NCLN: variants seen among roughly 807,000 people sequenced by gnomAD.
NCLN encodes the protein BOS complex subunit NCLN.
In NCLN, 34 loss-of-function variants were observed where a neutral mutation model predicts 69.5. The ratio of observed to expected loss-of-function variants is 0.49; its 90% confidence interval spans 0.37 to 0.65. The LOEUF (loss-of-function observed/expected upper bound fraction) is 0.65, where lower values mean the gene tolerates loss of function less well. NCLN is among the 30% of genes least tolerant of loss of function. The probability of loss-of-function intolerance (pLI) is 0.00; values close to 1 mark genes in which losing one functional copy is unlikely to be tolerated. For missense variants in NCLN, 710 were observed against 804.8 expected, an observed-to-expected ratio of 0.88 and a Z score of 1.42; for synonymous variants, 393 against 358.3, an observed-to-expected ratio of 1.10 and a Z score of -1.09.
chr19:3,192,481 G>T lies in NCLN; in HGVS notation c.196G>T (p.Ala66Ser). Residue 66 changes from alanine to serine, a missense_variant, in exon 2 of 15, where the codon GCA becomes TCA. Physicochemically the swap from Ala to Ser is moderately conservative, Grantham distance 99. Coordinates refer to ENST00000246117, the MANE Select transcript of NCLN (RefSeq NM_020170.4). ...LQGQPYGTRN[A>S]VLNTEARTMA... is the part of the protein sequence containing the mutation. ...CCCTGTGCCCACAGGCACACGGAAT[G>T]CAGTGCTGAACACGGAGGCGCGCAC... is the stretch of plus-strand genomic sequence containing the variant. 1 of 1,600,690 alleles carries T rather than the reference G, an allele frequency of 6.2e-7. No individual in the cohort carries two copies. The highest frequency in any genetic ancestry group is 8.5e-7 in the Non-Finnish European group (1 of 1,176,018).
intron 4 of NCLN, among the ~76,000 whole-genome samples, chr19:3,197,673 T>C (rs1042313495): frequency 6.7e-6 from 1 of 149,262 alleles, no homozygotes; most frequent in Non-Finnish European, 1.5e-5. Flanking sequence ...TAGGCTGGAG[T>C]GCAATGGTGC....
chr19:3,191,070 T>C (rs545850), intron 1 of NCLN, among the ~76,000 whole-genome samples: 41,001 of 119,416 alleles, frequency 0.34, 6,894 homozygotes, highest in East Asian at 0.47. Context: ...CGTCGCGGTG[T>C]GTGGCGGGCA....
chr19:3,198,744 G>C, intron 4 of NCLN, 73 bp from the exon 5 acceptor site: 1 of 1,272,448 alleles, frequency 7.9e-7, no homozygotes, highest in Non-Finnish European at 1.1e-6. Flanking sequence ...CAGAGGGGAG[G>C]GGTCTCCAAG....
intron 1 of NCLN, among the ~76,000 whole-genome samples, chr19:3,190,017 G>T (rs1035753529): frequency 2.0e-5 from 3 of 152,190 alleles, no homozygotes; most frequent in African/African-American, 7.2e-5. Context: ...TCCCTATCCC[G>T]CCTGCGGGAG....
rs901638250 is a variant in NCLN, at chr19:3,186,090, C to T, written c.60C>T (p.Leu20=). The change falls in exon 1 of 15, where the codon CTC becomes CTT. Residue 20 remains leucine, a synonymous_variant. Transcript: ENST00000246117. The part of the protein sequence containing the change: ...ENMLKASCLP[L]GFIVFLPAVL... ...TGCTGAAGGCGTCTTGTCTGCCGCT[C>T]GGCTTCATCGTCTTCCTGCCCGCTG... 16 of 1,599,594 alleles carry T rather than the reference C, an allele frequency of 1.0e-5. No homozygotes were observed. The highest frequency in any genetic ancestry group is 8.5e-5 in the Admixed American group (5 of 58,990).
chr19:3,201,412 G>T, intron 5 of NCLN, 111 bp from the exon 6 acceptor site: 1 of 736,418 alleles, frequency 1.4e-6, no homozygotes, highest in Admixed American at 2.3e-5. Context: ...ATGGGGCTAC[G>T]GGAGTAGGGT....
At position 3,190,280 on chromosome 19, in the gene NCLN, G is replaced by C. The variant is rs185097838; in HGVS notation, c.185-2190G>C. Among the ~76,000 whole-genome samples, 220 of 152,322 alleles carry C rather than the reference G, an allele frequency of 1.4e-3. 7 individuals carry two copies. The East Asian group carries it at 0.037, about 26-fold the overall frequency. ...GATGTCAGGCTCTGAGAGGGGAGCA[G>C]GGGTGAGGCTGCTGGGCCTGGGGTG... On this transcript the variant is annotated intron_variant, in intron 1 of 14. Coordinates refer to ENST00000246117, the MANE Select transcript of NCLN (RefSeq NM_020170.4).
At chr19:3,198,008 G>A (rs748805766) in intron 4 of NCLN, among the ~76,000 whole-genome samples, 1 of 152,212 alleles carries the variant, frequency 6.6e-6, no homozygotes, top group Non-Finnish European at 1.5e-5. Flanking sequence ...GACACCATCT[G>A]GTCCCCAAGG....
At chr19:3,193,463 C>CGTGGGT (rs1915883736) in intron 3 of NCLN, 35 bp downstream of exon 3, 7 of 1,561,126 alleles carry the variant, frequency 4.5e-6, no homozygotes, top group Non-Finnish European at 5.2e-6. Context: ...GGCCCGTGGG[C>CGTGGGT]GTGGGTGTGG....
At chr19:3,197,288 G>A (rs1915989540) in intron 4 of NCLN, among the ~76,000 whole-genome samples, 1 of 152,226 alleles carries the variant, frequency 6.6e-6, no homozygotes, top group African/African-American at 2.4e-5. Context: ...TGTGAGCAGA[G>A]CCCTCTTGGC....
intron 7 of NCLN, 65 bp downstream of exon 7, chr19:3,203,909 C>A: frequency 1.3e-6 from 2 of 1,580,008 alleles, no homozygotes; most frequent in Non-Finnish European, 1.7e-6. Context: ...CACGGAGGCC[C>A]AGGGGTTGCC....
chr19:3,198,914 C>G lies in NCLN; in HGVS notation c.696+17C>G, dbSNP rs781098068. The G allele has an allele frequency of 1.4e-6, 2 of 1,433,012 alleles. No homozygotes were observed. Among genetic ancestry groups the G allele is most frequent in the Admixed American group, 2.5e-5 (1 of 40,006 alleles). The allele number at this position is 1,433,012 out of a possible 1,614,324, so 88.8% of individuals were successfully genotyped here. A position where few individuals can be genotyped will look rare whatever the true frequency, so the allele number is the denominator to read the frequency against. The stretch of plus-strand genomic sequence containing the variant: ...GTGGCCCCCGTACGTATGTGTGTCC[C>G]CATTCCCCCCACCCCACAGGGCTTG... On this transcript the variant is annotated intron_variant, in intron 5 of 14. Transcript: ENST00000246117.
At position 3,201,697 on chromosome 19, in the gene NCLN, A is replaced by ACCAGGCG. The variant is rs1916131539; in HGVS notation, c.800+73_800+74insAGGCGCC. 2.4e-6 allele frequency: 3 copies of ACCAGGCG among 1,235,124 alleles called. No homozygotes were observed. The African/African-American group carries it at 4.5e-5, about 19-fold the overall frequency. The allele number at this position is 1,235,124 out of a possible 1,614,324, so 76.5% of individuals were successfully genotyped here. On this transcript the variant is annotated intron_variant, in intron 6 of 14. Transcript: ENST00000246117. ...TGCCGGACAGCGCTGCCCACCAGGC[A>ACCAGGCG]CCTCTGCAGATGTTTCTCTGGAGCC... is the stretch of plus-strand genomic sequence containing the variant.
chr19:3,197,563 TC>T (rs1915998511), intron 4 of NCLN, among the ~76,000 whole-genome samples: 1 of 151,670 alleles, frequency 6.6e-6, no homozygotes, highest in African/African-American at 2.4e-5. Flanking sequence ...TGCCTCGGCC[TC>T]CCGAGTAGCT....
intron 1 of NCLN, among the ~76,000 whole-genome samples, chr19:3,188,868 G>T (rs1183127940): frequency 1.3e-5 from 2 of 152,228 alleles, no homozygotes; most frequent in African/African-American, 2.4e-5. Flanking sequence ...ACACCCCTCT[G>T]TGTCACTCTG....
intron 4 of NCLN, 34 bp from the exon 5 acceptor site, chr19:3,198,783 A>G: frequency 6.4e-7 from 1 of 1,553,224 alleles, no homozygotes; most frequent in East Asian, 2.5e-5. Context: ...TGCCCCAGGA[A>G]CAGCCAGGCC....
At position 3,186,569 on chromosome 19, in the gene NCLN, T is replaced by C. The variant is rs1915676016; in HGVS notation, c.184+355T>C. Among the ~76,000 whole-genome samples the C allele has an allele frequency of 2.0e-5, 3 of 152,158 alleles. No individual in the cohort carries two copies. In the South Asian group the frequency reaches 6.2e-4, roughly 32 times the overall value. ...CTGCCTGCCTTGCCGAGTTTCTCCC[T>C]CCTGGGCCCCCTCCGCCCCTTAGGC... On this transcript the variant is annotated intron_variant, in intron 1 of 14. Coordinates refer to ENST00000246117, the MANE Select transcript of NCLN (RefSeq NM_020170.4).
At chr19:3,207,360 C>T (rs1568316420) in intron 13 of NCLN, 31 bp from the exon 14 acceptor site, 4 of 1,612,968 alleles carry the variant, frequency 2.5e-6, no homozygotes, top group Admixed American at 1.7e-5. Context: ...GCGCACCATC[C>T]TCGACCTCAG....
chr19:3,186,659 C>G (rs570600916), intron 1 of NCLN, among the ~76,000 whole-genome samples: 32 of 152,318 alleles, frequency 2.1e-4, no homozygotes, highest in African/African-American at 7.5e-4. Context: ...GGGTCCTGTT[C>G]TGGAGACCAT....
Sources: gnomAD v4.1 joint callset for allele counts (sites outside exome capture counted in the v4.1 genomes callset) on GRCh38, gnomAD v4.1.1 for gene constraint, MANE v1.5 for transcripts, NCBI Gene and HGNC (gene_info 2026-07-23, HGNC 2026-07-21) for gene names.